Variants in FSHR observed in about 807,000 individuals in gnomAD.
The protein encoded by FSHR is follicle stimulating hormone receptor.
FSHR carries 46 observed loss-of-function variants against 52.1 expected under a neutral mutation model. The observed-to-expected ratio is 0.88, with a 90% CI of 0.70 to 1.13. The LOEUF is 1.13. Ranked by LOEUF, FSHR falls within the 50% of genes most tolerant of loss-of-function variation. FSHR has a pLI of 0.00. For synonymous variants in FSHR, 399 were observed against 309.6 expected, an observed-to-expected ratio of 1.29 and a Z score of -3.03; for missense variants, 964 against 834.6, an observed-to-expected ratio of 1.16 and a Z score of -1.91.
chr2:49,135,290 G>GAATGA (rs1299912554), intron 1 of FSHR, among the ~76,000 whole-genome samples: 1 of 151,618 alleles, frequency 6.6e-6, no homozygotes, highest in Non-Finnish European at 1.5e-5. Context: ...CAATGAAATG[G>GAATGA]AATGAAAAAT....
At chr2:49,108,770 A>G (rs1189525691) in intron 1 of FSHR, among the ~76,000 whole-genome samples, 1 of 152,212 alleles carries the variant, frequency 6.6e-6, no homozygotes, top group East Asian at 1.9e-4. Context: ...CCTGGAGGCA[A>G]CGAAAATGAA....
At chr2:48,997,174 C>G in intron 4 of FSHR, 1 of 964,406 alleles carries the variant, frequency 1.0e-6, no homozygotes, top group Non-Finnish European at 1.2e-6. Context: ...AAACAGTTCA[C>G]TTACCTTTTC....
chr2:49,054,818 G>A (rs1668999430), intron 2 of FSHR, among the ~76,000 whole-genome samples: 1 of 152,082 alleles, frequency 6.6e-6, no homozygotes, highest in African/African-American at 2.4e-5. Flanking sequence ...CTACACTATT[G>A]TATCCACCTA....
At chr2:49,008,727 T>C (rs1162965348) in intron 4 of FSHR, among the ~76,000 whole-genome samples, 3 of 144,554 alleles carry the variant, frequency 2.1e-5, no homozygotes, top group African/African-American at 7.7e-5. Context: ...TTCTAACTGG[T>C]GTGAGATGGT....
intron 4 of FSHR, among the ~76,000 whole-genome samples, chr2:48,994,378 G>T (rs1158531018): frequency 6.6e-6 from 1 of 152,142 alleles, no homozygotes; most frequent in East Asian, 1.9e-4. Flanking sequence ...AATATCTATA[G>T]ATATCTGCAG....
intron 1 of FSHR, among the ~76,000 whole-genome samples, chr2:49,133,097 G>A (rs1432405644): frequency 1.3e-5 from 2 of 151,488 alleles, no homozygotes; most frequent in Non-Finnish European, 2.9e-5. Context: ...AGAACACAGA[G>A]TTCCCTCTTC....
intron 1 of FSHR, among the ~76,000 whole-genome samples, chr2:49,142,037 C>T (rs1287230070): frequency 6.6e-6 from 1 of 152,118 alleles, no homozygotes; most frequent in Non-Finnish European, 1.5e-5. Flanking sequence ...CACAGTAGGA[C>T]TTATTAGATG....
chr2:49,096,662 T>A (rs1670831801), intron 1 of FSHR, among the ~76,000 whole-genome samples: 1 of 152,214 alleles, frequency 6.6e-6, no homozygotes. Context: ...AATGTTCAAT[T>A]TATTTCTGGC....
intron 8 of FSHR, among the ~76,000 whole-genome samples, chr2:48,977,150 T>C (rs1675028390): frequency 6.6e-6 from 1 of 152,158 alleles, no homozygotes; most frequent in Non-Finnish European, 1.5e-5. Flanking sequence ...CTCGTTTCTG[T>C]CTTTGAATAA....
intron 8 of FSHR, among the ~76,000 whole-genome samples, chr2:48,982,236 T>G (rs1054674567): frequency 6.6e-6 from 1 of 152,004 alleles, no homozygotes; most frequent in African/African-American, 2.4e-5. Flanking sequence ...TGATGCTTGA[T>G]GGAAGGGGCA....
chr2:49,036,823 C>T (rs1404290773), intron 2 of FSHR, among the ~76,000 whole-genome samples: 2 of 152,146 alleles, frequency 1.3e-5, no homozygotes, highest in Non-Finnish European at 2.9e-5. Context: ...ACATGGAAGT[C>T]TGAGACAAAA....
At chr2:49,112,448 C>A (rs915137666) in intron 1 of FSHR, among the ~76,000 whole-genome samples, 1 of 152,088 alleles carries the variant, frequency 6.6e-6, no homozygotes, top group South Asian at 2.1e-4. Context: ...CAAGTTTAAC[C>A]ATTTACTGAT....
intron 8 of FSHR, among the ~76,000 whole-genome samples, chr2:48,969,760 CA>C (rs914651783): frequency 6.6e-6 from 1 of 152,170 alleles, no homozygotes; most frequent in African/African-American, 2.4e-5. Flanking sequence ...CCAGTTTAAC[CA>C]GGTCCCTGCC....
chr2:49,100,212 G>A (rs187787011), intron 1 of FSHR, among the ~76,000 whole-genome samples: 5 of 152,224 alleles, frequency 3.3e-5, no homozygotes, highest in Admixed American at 2.6e-4. Context: ...ATAGAAGGTG[G>A]TAGTGCCATA....
intron 1 of FSHR, among the ~76,000 whole-genome samples, chr2:49,126,126 A>G (rs1428193105): frequency 1.3e-5 from 2 of 152,196 alleles, no homozygotes; most frequent in African/African-American, 4.8e-5. Flanking sequence ...AGGTGTCTTA[A>G]TCTCTTTTGT....
At chr2:48,999,917 T>C (rs978365618) in intron 4 of FSHR, among the ~76,000 whole-genome samples, 5 of 152,144 alleles carry the variant, frequency 3.3e-5, no homozygotes, top group African/African-American at 9.6e-5. Context: ...TGCTAAAAGC[T>C]AAAGCATTTA....
At chr2:48,998,976 A>G (rs1370578882) in intron 4 of FSHR, among the ~76,000 whole-genome samples, 1 of 152,044 alleles carries the variant, frequency 6.6e-6, no homozygotes, top group East Asian at 1.9e-4. Flanking sequence ...TCATATGTGT[A>G]TCTACTTTAT....
intron 2 of FSHR, 50 bp from the exon 3 acceptor site, chr2:49,020,210 A>G: frequency 6.9e-7 from 1 of 1,446,908 alleles, no homozygotes; most frequent in South Asian, 1.1e-5. Context: ...ACACTCCTTG[A>G]ATATTTTTAG....
intron 9 of FSHR, among the ~76,000 whole-genome samples, chr2:48,967,173 G>A (rs548686669): frequency 2.0e-5 from 3 of 152,262 alleles, no homozygotes; most frequent in South Asian, 2.1e-4. Context: ...ATAGCTCACT[G>A]CAGCCTCGAC....
Sources: gnomAD v4.1 joint callset for allele counts (sites outside exome capture counted in the v4.1 genomes callset) on GRCh38, gnomAD v4.1.1 for gene constraint, MANE v1.5 for transcripts, NCBI Gene and HGNC (gene_info 2026-07-23, HGNC 2026-07-21) for gene names.